The following FGF14 variants were observed in gnomAD, a reference collection of about 807,000 sequenced individuals.
FGF14 encodes fibroblast growth factor homologous factor 4.
A neutral mutation model predicts 25.5 loss-of-function variants in FGF14; 5 were observed. That is an observed-to-expected ratio of 0.20 (90% CI 0.10 to 0.41). FGF14 has a LOEUF of 0.41. Among genes scored for constraint, FGF14 ranks in the 10% least tolerant of loss-of-function variants. The probability of loss-of-function intolerance (pLI) is 1.00; values close to 1 mark genes in which losing one functional copy is unlikely to be tolerated. For missense variants in FGF14, 222 were observed against 320.1 expected, an observed-to-expected ratio of 0.69 and a Z score of 2.34; for synonymous variants, 138 against 118.3, an observed-to-expected ratio of 1.17 and a Z score of -1.08.
intron 1 of FGF14, among the ~76,000 whole-genome samples, chr13:102,032,136 C>A (rs1391154836): frequency 6.6e-6 from 1 of 152,102 alleles, no homozygotes; most frequent in Non-Finnish European, 1.5e-5. Flanking sequence ...TCTCCTCAGA[C>A]CAAACAGCCT....
intron 3 of FGF14, among the ~76,000 whole-genome samples, chr13:101,841,016 G>A (rs1256199068): frequency 6.6e-6 from 1 of 151,756 alleles, no homozygotes; most frequent in East Asian, 1.9e-4. Flanking sequence ...AGTCCTCCTT[G>A]GTAAATATAA....
chr13:102,203,365 A>G (rs889484004), intron 1 of FGF14, among the ~76,000 whole-genome samples: 2 of 152,216 alleles, frequency 1.3e-5, no homozygotes, highest in Non-Finnish European at 2.9e-5. Context: ...TATAAGAAAG[A>G]ATAAAATCCT....
At chr13:101,726,832 A>G (rs755519543) in intron 3 of FGF14, 22 bp from the exon 4 acceptor site, 83 of 1,554,576 alleles carry the variant, frequency 5.3e-5, no homozygotes, top group Non-Finnish European at 7.0e-5. Context: ...AAATGAAACA[A>G]AAGTTAGAGG....
chr13:102,177,126 G>A (rs990746511), intron 1 of FGF14, among the ~76,000 whole-genome samples: 6 of 152,128 alleles, frequency 3.9e-5, no homozygotes, highest in African/African-American at 9.7e-5. Context: ...TACAACACAC[G>A]TTCATTGATG....
At chr13:102,084,653 C>T (rs1380533056) in intron 1 of FGF14, among the ~76,000 whole-genome samples, 1 of 152,086 alleles carries the variant, frequency 6.6e-6, no homozygotes, top group Non-Finnish European at 1.5e-5. Flanking sequence ...TCAAAGGAAG[C>T]AAGTTGTTGA....
chr13:101,958,457 T>C (rs1035716272), intron 1 of FGF14, among the ~76,000 whole-genome samples: 3 of 152,346 alleles, frequency 2.0e-5, no homozygotes, highest in Admixed American at 2.0e-4. Context: ...TGGACCCCAG[T>C]GGTCCTGCTC....
chr13:102,148,027 T>C (rs2046924567), intron 1 of FGF14, among the ~76,000 whole-genome samples: 1 of 152,140 alleles, frequency 6.6e-6, no homozygotes, highest in Non-Finnish European at 1.5e-5. Context: ...TTTAGCAAAA[T>C]CTTTTTTTAA....
intron 1 of FGF14, among the ~76,000 whole-genome samples, chr13:101,940,779 CA>C (rs1023899155): frequency 6.6e-6 from 1 of 152,278 alleles, no homozygotes. Context: ...TCCATGAGAT[CA>C]GGGGTCCCTT....
intron 1 of FGF14, among the ~76,000 whole-genome samples, chr13:102,363,243 C>T (rs936000967): frequency 4.6e-5 from 7 of 152,162 alleles, no homozygotes; most frequent in African/African-American, 1.2e-4. Flanking sequence ...ACATTTAGAT[C>T]AGTTGTGACC....
intron 1 of FGF14, among the ~76,000 whole-genome samples, chr13:102,084,140 G>A (rs1448380169): frequency 6.6e-6 from 1 of 151,786 alleles, no homozygotes; most frequent in African/African-American, 2.4e-5. Context: ...CCTCATAATT[G>A]CTAAATGTTT....
chr13:102,044,769 T>A (rs1384621379), intron 1 of FGF14, among the ~76,000 whole-genome samples: 1 of 152,114 alleles, frequency 6.6e-6, no homozygotes, highest in Non-Finnish European at 1.5e-5. Flanking sequence ...AAGATATACA[T>A]CGTCAGTCCC....
At chr13:102,068,399 G>A (rs1402240048) in intron 1 of FGF14, among the ~76,000 whole-genome samples, 2 of 152,208 alleles carry the variant, frequency 1.3e-5, no homozygotes, top group African/African-American at 2.4e-5. Context: ...TCAGCCCACC[G>A]CTGCACTGTG....
In FGF14 at chr13:102,187,259, T is replaced by G. The variant is rs139646580; in HGVS notation, c.208+214212A>C. On this transcript the variant is annotated intron_variant, in intron 1 of 4. Transcript: ENST00000376131. ...ACCCAGACATGCATAGATTACTTTT[T>G]TAGGGCTATAATCAAAGTATAATTA... Among the ~76,000 whole-genome samples, 60 of 152,334 alleles carry G rather than the reference T, an allele frequency of 3.9e-4. 1 individual carries two copies. The East Asian group carries it at 0.011, about 28-fold the overall frequency.
chr13:102,156,152 C>T (rs1176061876), intron 1 of FGF14, among the ~76,000 whole-genome samples: 2 of 152,204 alleles, frequency 1.3e-5, no homozygotes, highest in Non-Finnish European at 2.9e-5. Context: ...CTCCCTAACT[C>T]ATTTTATGAG....
At chr13:101,900,273 C>T (rs2031351995) in intron 1 of FGF14, among the ~76,000 whole-genome samples, 1 of 151,934 alleles carries the variant, frequency 6.6e-6, no homozygotes, top group South Asian at 2.1e-4. Flanking sequence ...TTTATACTTG[C>T]ACAAAGTTAA....
At chr13:102,149,319 T>A (rs1319389421) in intron 1 of FGF14, among the ~76,000 whole-genome samples, 1 of 152,156 alleles carries the variant, frequency 6.6e-6, no homozygotes, top group Non-Finnish European at 1.5e-5. Flanking sequence ...AAACAGGTGT[T>A]ACTTAAAAAA....
At chr13:101,982,463 G>C (rs2038325057) in intron 1 of FGF14, among the ~76,000 whole-genome samples, 2 of 152,182 alleles carry the variant, frequency 1.3e-5, no homozygotes, top group South Asian at 4.1e-4. Flanking sequence ...TTTGAATACT[G>C]CCATATTCTA....
intron 1 of FGF14, among the ~76,000 whole-genome samples, chr13:102,155,301 A>G (rs567251218): frequency 3.6e-4 from 55 of 152,370 alleles, no homozygotes; most frequent in African/African-American, 1.3e-3. Context: ...GATAGAAATT[A>G]TAACAAACTG....
At chr13:102,290,073 T>C (rs2054302254) in intron 1 of FGF14, among the ~76,000 whole-genome samples, 1 of 152,172 alleles carries the variant, frequency 6.6e-6, no homozygotes, top group Non-Finnish European at 1.5e-5. Flanking sequence ...AAAGAAGAGC[T>C]CAGTTGAGTA....
Sources: allele counts gnomAD v4.1 joint callset (sites outside exome capture counted in the v4.1 genomes callset), GRCh38; gene constraint gnomAD v4.1.1; transcripts MANE v1.5; gene names NCBI Gene and HGNC (gene_info 2026-07-23, HGNC 2026-07-21).